OAS2: variants seen among roughly 807,000 people sequenced by gnomAD.
OAS2 encodes the protein 2'-5'-oligoadenylate synthetase 2, also known as 2'-5'-oligoadenylate synthase 2.
Under a neutral mutation model 71.3 loss-of-function variants are expected in OAS2, and 67 were observed. That is an observed-to-expected ratio of 0.94 (90% confidence interval 0.77 to 1.15). The LOEUF (loss-of-function observed/expected upper bound fraction) is 1.15, where lower values mean the gene tolerates loss of function less well. Among genes scored for constraint, OAS2 ranks in the 50% most tolerant of loss-of-function variants. OAS2 has a pLI of 0.00. For missense variants in OAS2, 789 were observed against 822.5 expected (o/e 0.96, Z 0.50); for synonymous variants, 327 against 321.8 (o/e 1.02, Z -0.17).
rs556156348 is a variant in OAS2 at position 112,997,889 on chromosome 12, A to G, written c.863+134A>G. On this transcript the variant is annotated intron_variant, in intron 4 of 9. Coordinates refer to ENST00000392583, the MANE Select transcript of OAS2 (RefSeq NM_002535.3). ...AGAATGGCAGCCACCATGGGTGGGG[A>G]GGCAGATGGGTCTGTCTGAAAGAGG... The G allele has an allele frequency of 5.5e-3, 3,928 of 719,972 alleles. 44 individuals are homozygous for G. Among genetic ancestry groups the G allele is most frequent in the South Asian group, 0.028 (1,442 of 50,986 alleles). The allele number at this position is 719,972 out of a possible 1,614,324, so 44.6% of individuals were successfully genotyped here. A position where few individuals can be genotyped will look rare whatever the true frequency, so the allele number is the denominator to read the frequency against.
Position 113,007,770 on chromosome 12 carries a change from C to T in OAS2, c.1722C>T (p.Ile574=). 1 of 1,614,164 alleles carries T rather than the reference C, an allele frequency of 6.2e-7. No individual in the cohort carries two copies. The highest frequency in any genetic ancestry group is 8.5e-7 in the Non-Finnish European group (1 of 1,180,010). The change falls in exon 9 of 10, where the codon ATC becomes ATT. Residue 574 remains isoleucine, a synonymous_variant. Transcript: ENST00000392583. The stretch of plus-strand genomic sequence containing the variant: ...AGTATGCCTTGGAGCTGCTCACCAT[C>T]TATGCCTGGGAGCAGGGGAGTGGAG... ...PPKYALELLT[I]YAWEQGSGVP...
chr12:112,984,774 A>T (rs1369712550), intron 1 of OAS2, among the ~76,000 whole-genome samples: 1 of 151,968 alleles, frequency 6.6e-6, no homozygotes, highest in Non-Finnish European at 1.5e-5. Context: ...TGTTTTCATG[A>T]TGGTAGACAT....
At chr12:112,985,469 A>G (rs1439619775) in intron 1 of OAS2, among the ~76,000 whole-genome samples, 2 of 152,028 alleles carry the variant, frequency 1.3e-5, no homozygotes, top group South Asian at 4.1e-4. Flanking sequence ...TATTTTATTC[A>G]TTGATTTCTT....
chr12:112,985,191 T>C (rs932628225), intron 1 of OAS2, among the ~76,000 whole-genome samples: 6 of 151,790 alleles, frequency 4.0e-5, no homozygotes, highest in Admixed American at 3.3e-4. Flanking sequence ...GGTGTCTAAA[T>C]CTCTTGTAAG....
rs1239905828 is a variant in OAS2 at position 113,010,416 on chromosome 12, A to T, written c.*1161A>T. ...AAGTTGTGGAGCTAGGATCCATCCTATTGTCAATGAGATGTTCTCATCCAG... is the reference window on the plus strand; with the variant it reads ...AAGTTGTGGAGCTAGGATCCATCCTTTTGTCAATGAGATGTTCTCATCCAG... On this transcript the variant is annotated 3_prime_UTR_variant, in exon 10 of 10. Coordinates refer to ENST00000392583, the MANE Select transcript of OAS2 (RefSeq NM_002535.3). 6.2e-7 allele frequency: 1 copy of T among 1,613,990 alleles called. No individual in the cohort carries two copies. Among genetic ancestry groups the T allele is most frequent in the African/African-American group, 1.3e-5 (1 of 75,060 alleles).
intron 2 of OAS2, among the ~76,000 whole-genome samples, chr12:112,990,545 A>G (rs1183035224): frequency 1.3e-5 from 2 of 152,254 alleles, no homozygotes; most frequent in Non-Finnish European, 2.9e-5. Context: ...TAAAGATGTC[A>G]GACGATTAGT....
At chr12:112,998,484 C>T in intron 5 of OAS2, 74 bp downstream of exon 5, 1 of 1,504,702 alleles carries the variant, frequency 6.6e-7, no homozygotes, top group African/African-American at 1.4e-5. Flanking sequence ...TAGGTCTTAT[C>T]TGAGAGTACT....
Position 113,010,593 on chromosome 12 carries a change from T to G in OAS2, c.*1338T>G. The G allele has an allele frequency of 6.7e-7, 1 of 1,487,736 alleles. No homozygotes were observed. The highest frequency in any genetic ancestry group is 1.4e-5 in the South Asian group (1 of 71,838). The allele number at this position is 1,487,736 out of a possible 1,614,324, so 92.2% of individuals were successfully genotyped here. On this transcript the variant is annotated 3_prime_UTR_variant, in exon 10 of 10. Transcript: ENST00000392583. ...TTCCTCCTTCCCTTGCTTCTTGGAC[T>G]TCTTGAAATCAATCAAGACTGCAAA...
rs78885230 is a variant in OAS2 at position 113,000,906 on chromosome 12, C to A, written c.1009-2026C>A. Among the ~76,000 whole-genome samples, 784 of 152,376 alleles carry A rather than the reference C, an allele frequency of 5.1e-3. 6 individuals carry two copies. Among genetic ancestry groups the A allele is most frequent in the African/African-American group, 0.018 (762 of 41,600 alleles). ...ACAACCAAGGTTGGCCTTCAACTTT[C>A]AAGCTGAGTGCCCTTCCCCACCTCC... On this transcript the variant is annotated intron_variant, in intron 5 of 9. Coordinates refer to ENST00000392583, the MANE Select transcript of OAS2 (RefSeq NM_002535.3).
At chr12:112,979,113 C>T (rs569028556) in intron 1 of OAS2, among the ~76,000 whole-genome samples, 5 of 152,290 alleles carry the variant, frequency 3.3e-5, no homozygotes, top group Admixed American at 1.3e-4. Context: ...TTACTCACTG[C>T]GATTTTCTTC....
At chr12:112,981,870 G>T (rs1380909254) in intron 1 of OAS2, among the ~76,000 whole-genome samples, 1 of 152,108 alleles carries the variant, frequency 6.6e-6, no homozygotes, top group Non-Finnish European at 1.5e-5. Context: ...CCATTTGCTT[G>T]TGTCACCTTC....
intron 8 of OAS2, among the ~76,000 whole-genome samples, chr12:113,007,324 G>A (rs1018370956): frequency 6.6e-6 from 1 of 152,270 alleles, no homozygotes; most frequent in South Asian, 2.1e-4. Flanking sequence ...GGGCTGTGGC[G>A]TGACCTTGAG....
intron 1 of OAS2, among the ~76,000 whole-genome samples, chr12:112,985,425 C>T (rs554009345): frequency 6.6e-5 from 10 of 152,104 alleles, no homozygotes; most frequent in Non-Finnish European, 1.0e-4. Flanking sequence ...TTCTCCTTGA[C>T]CTAGTCTATT....
intron 2 of OAS2, among the ~76,000 whole-genome samples, chr12:112,994,699 G>C (rs1261736114): frequency 6.6e-6 from 1 of 152,168 alleles, no homozygotes; most frequent in East Asian, 1.9e-4. Context: ...TGGGATTACA[G>C]GCATGAGCCA....
rs1393002261 is a variant in OAS2, at chr12:113,000,672, GCACACATGCACTCATGCA to G, written c.1009-2249_1009-2232del. Among the ~76,000 whole-genome samples, 4 of 145,066 alleles carry G rather than the reference GCACACATGCACTCATGCA, an allele frequency of 2.8e-5. No homozygotes were observed. The East Asian group carries it at 8.1e-4, about 29-fold the overall frequency. On this transcript the variant is annotated intron_variant, in intron 5 of 9. Transcript: ENST00000392583. ...TGCACACACATGCACTCACACACAT[GCACACATGCACTCATGCA>G]CACACATGCATGCACACCATGCACA... is the stretch of plus-strand genomic sequence containing the variant.
intron 2 of OAS2, chr12:112,988,664 C>T (rs975196575): frequency 2.0e-6 from 2 of 985,332 alleles, no homozygotes; most frequent in Non-Finnish European, 2.4e-6. Context: ...CACATCTGCA[C>T]ATTCCAATTT....
At chr12:112,996,201 A>G (rs924261844) in intron 3 of OAS2, among the ~76,000 whole-genome samples, 1 of 152,026 alleles carries the variant, frequency 6.6e-6, no homozygotes, top group African/African-American at 2.4e-5. Context: ...AATTGGGGCA[A>G]TTTTCAAATA....
chr12:112,985,257 A>G (rs997418074), intron 1 of OAS2, among the ~76,000 whole-genome samples: 26 of 152,078 alleles, frequency 1.7e-4, no homozygotes, highest in African/African-American at 6.0e-4. Context: ...GCCTTTGCCC[A>G]TCTCTTCTCC....
intron 9 of OAS2, 99 bp downstream of exon 9, chr12:113,008,042 T>C: frequency 1.2e-6 from 1 of 854,202 alleles, no homozygotes; most frequent in Middle Eastern, 2.3e-4. Context: ...ATTCATTCCT[T>C]GCATGACGGG....
Sources: allele counts gnomAD v4.1 joint callset (sites outside exome capture counted in the v4.1 genomes callset), GRCh38; gene constraint gnomAD v4.1.1; transcripts MANE v1.5; gene names NCBI Gene and HGNC (gene_info 2026-07-23, HGNC 2026-07-21).